MUC13: variants seen among roughly 807,000 people sequenced by gnomAD.
MUC13 encodes mucin-13.
Under a neutral mutation model 48.3 loss-of-function variants are expected in MUC13, and 32 were observed. The observed-to-expected ratio is 0.66, with a 90% CI of 0.50 to 0.89. The LOEUF (loss-of-function observed/expected upper bound fraction) is 0.89, where lower values mean the gene tolerates loss of function less well. Among genes scored for constraint, MUC13 ranks in the 40% least tolerant of loss-of-function variants. The pLI is 0.00. For missense variants in MUC13, 571 were observed against 622.8 expected (o/e 0.92, Z 0.88); for synonymous variants, 199 against 224.9 (o/e 0.88, Z 1.03).
rs557804027 is a variant in MUC13 at position 124,927,734 on chromosome 3, T to C, written c.312A>G (p.Ala104=). 3.7e-6 allele frequency: 6 copies of C among 1,614,238 alleles called. No homozygotes were observed. The African/African-American group carries it at 8.0e-5, about 22-fold the overall frequency. Residue 104 remains alanine, a synonymous_variant, in exon 2 of 12, where the codon GCA becomes GCG. Transcript: ENST00000616727. Reference sequence around the variant, plus strand: ...TTACATTTGTGGTTGACTCACTGTCTGCAGCAGTAGGTATAGGAATTGTGG... The same window carrying C: ...TTACATTTGTGGTTGACTCACTGTCCGCAGCAGTAGGTATAGGAATTGTGG... ...SSSTIPIPTA[A]DSESTTNVNS...
Position 124,922,294 on chromosome 3 carries a change from A to G in MUC13, c.647T>C (p.Phe216Ser), listed in dbSNP as rs1270989471. 6.2e-7 allele frequency: 1 copy of G among 1,613,714 alleles called. No homozygotes were observed. The highest frequency in any genetic ancestry group is 1.3e-5 in the African/African-American group (1 of 75,040). Residue 216 changes from phenylalanine to serine, a missense_variant, in exon 4 of 12, where the codon TTC (phenylalanine) becomes TCC (serine). Phe to Ser is a radical substitution (Grantham distance 155, BLOSUM62 -2). Coordinates refer to ENST00000616727, the MANE Select transcript of MUC13 (RefSeq NM_033049.4). ...NSSTCKKGKV[F>S]PGKISVTVSE... is the part of the protein sequence containing the mutation. ...TACTGTCACTGAAATCTTCCCAGGG[A>G]ATACCTTTCCTGAAAGTTAAGCAGA...
At chr3:124,922,104 G>A (rs949046247) in intron 4 of MUC13, 93 bp downstream of exon 4, 21 of 1,422,864 alleles carry the variant, frequency 1.5e-5, no homozygotes, top group African/African-American at 4.3e-5. Flanking sequence ...ACGATGGTAC[G>A]AGCGTGAACC....
chr3:124,927,521 A>G lies in MUC13; in HGVS notation c.514+11T>C. On this transcript the variant is annotated intron_variant, in intron 2 of 11. Transcript: ENST00000616727. The stretch of plus-strand genomic sequence containing the variant: ...CCATCCTTGGGGAGTCTTTGAGGGA[A>G]TTGTCCTTACCTGTGCTGTTTAGGG... The G allele has an allele frequency of 6.2e-7, 1 of 1,610,904 alleles. No individual in the cohort carries two copies. The highest frequency in any genetic ancestry group is 8.5e-7 in the Non-Finnish European group (1 of 1,177,674).
intron 9 of MUC13, among the ~76,000 whole-genome samples, chr3:124,911,896 T>C (rs1259384317): frequency 1.3e-5 from 2 of 152,154 alleles, no homozygotes; most frequent in Non-Finnish European, 2.9e-5. Flanking sequence ...TGAGTTCTGT[T>C]ATTTTCTATG....
chr3:124,929,740 A>G (rs571355328), intron 1 of MUC13, among the ~76,000 whole-genome samples: 1 of 152,356 alleles, frequency 6.6e-6, no homozygotes, highest in Admixed American at 6.5e-5. Context: ...CACATTTGAC[A>G]GAAGAGCCCA....
chr3:124,925,824 A>G (rs1257248618), intron 2 of MUC13, among the ~76,000 whole-genome samples: 1 of 152,134 alleles, frequency 6.6e-6, no homozygotes, highest in Non-Finnish European at 1.5e-5. Flanking sequence ...CATGTTTCCC[A>G]GGCTGGTCTT....
intron 1 of MUC13, 150 bp downstream of exon 1, chr3:124,934,511 C>G: frequency 1.7e-6 from 1 of 594,322 alleles, no homozygotes; most frequent in South Asian, 2.3e-5. Flanking sequence ...GATAAAATGT[C>G]TGTGTCTTTG....
chr3:124,913,187 T>G lies in MUC13; in HGVS notation c.1138A>C (p.Ile380Leu). 1 of 1,614,152 alleles carries G rather than the reference T, an allele frequency of 6.2e-7. No individual in the cohort carries two copies. The highest frequency in any genetic ancestry group is 1.1e-5 in the South Asian group (1 of 91,066). Reference protein sequence around the residue: ...ACNAQHKQCLIKKSGGAPECA... With the variant: ...ACNAQHKQCLLKKSGGAPECA... ...TCAGGGGCCCCACCACTCTTCTTTATTAAGCATTGCTTGTGCTGTGCGTTG... is the reference window on the plus strand; with the variant it reads ...TCAGGGGCCCCACCACTCTTCTTTAGTAAGCATTGCTTGTGCTGTGCGTTG... Residue 380 changes from isoleucine (I) to leucine (L), a missense_variant, in exon 8 of 12, where the codon ATA becomes CTA. Ile to Leu is a conservative substitution (Grantham distance 5). Coordinates refer to ENST00000616727, the MANE Select transcript of MUC13 (RefSeq NM_033049.4).
chr3:124,914,738 C>A (rs1411469025), intron 6 of MUC13, among the ~76,000 whole-genome samples: 1 of 152,088 alleles, frequency 6.6e-6, no homozygotes, highest in Non-Finnish European at 1.5e-5. Flanking sequence ...ACCAGCCCAG[C>A]CAAAATGGCG....
intron 7 of MUC13, 74 bp downstream of exon 7, chr3:124,913,488 A>G (rs1579363111): frequency 6.2e-7 from 1 of 1,605,320 alleles, no homozygotes; most frequent in Admixed American, 1.7e-5. Flanking sequence ...AAACTAAAGG[A>G]GTGAATTTTT....
chr3:124,910,469 G>T lies in MUC13; in HGVS notation c.1283C>A (p.Thr428Asn). Residue 428 changes from threonine (T) to asparagine (N), a missense_variant, in exon 10 of 12, where the codon ACC becomes AAC. Thr to Asn is a moderately conservative substitution (Grantham distance 65). Transcript: ENST00000616727. ...GCTGAGAATGACAATGCCAGCGATG[G>T]TGCCCACAATAGTGAGGATCAGCTG... ...KFQLILTIVG[T>N]IAGIVILSMI... 2 of 1,614,100 alleles carry T rather than the reference G, an allele frequency of 1.2e-6. No individual in the cohort carries two copies. Among genetic ancestry groups the T allele is most frequent in the Non-Finnish European group, 1.7e-6 (2 of 1,179,978 alleles).
intron 2 of MUC13, among the ~76,000 whole-genome samples, chr3:124,926,742 C>T (rs140215172): frequency 8.0e-4 from 122 of 152,284 alleles, no homozygotes; most frequent in African/African-American, 2.8e-3. Flanking sequence ...CTATGGTTCA[C>T]GAGTCATATC....
chr3:124,906,730 C>T lies in MUC13; in HGVS notation c.*13G>A, dbSNP rs1935326063. ...TGGTTGGGGGCCATGGCGGGTTCCA[C>T]ATTCTTATGATTCTAGACAGAAAGA... On this transcript the variant is annotated 3_prime_UTR_variant, in exon 12 of 12. Coordinates refer to ENST00000616727, the MANE Select transcript of MUC13 (RefSeq NM_033049.4). 1 of 152,178 alleles carries T rather than the reference C, an allele frequency of 6.6e-6. No individual in the cohort carries two copies. The highest frequency in any genetic ancestry group is 2.1e-4 in the South Asian group (1 of 4,814). The allele number at this position is 152,178 out of a possible 1,614,324, so 9.4% of individuals were successfully genotyped here. A position where few individuals can be genotyped will look rare whatever the true frequency, so the allele number is the denominator to read the frequency against.
intron 6 of MUC13, among the ~76,000 whole-genome samples, chr3:124,914,749 A>G (rs1935482194): frequency 6.6e-6 from 1 of 152,100 alleles, no homozygotes; most frequent in Admixed American, 6.5e-5. Flanking sequence ...CAAAATGGCG[A>G]AAACCGTCTC....
At chr3:124,930,609 C>T (rs761184586) in intron 1 of MUC13, among the ~76,000 whole-genome samples, 4 of 152,170 alleles carry the variant, frequency 2.6e-5, no homozygotes, top group Non-Finnish European at 4.4e-5. Flanking sequence ...CTAAATAACA[C>T]AAGGATAGCA....
chr3:124,907,180 T>A (rs1935332748), intron 11 of MUC13, among the ~76,000 whole-genome samples: 1 of 152,242 alleles, frequency 6.6e-6, no homozygotes, highest in Admixed American at 6.5e-5. Flanking sequence ...TTTATTATTA[T>A]TATTTTTTGT....
At chr3:124,909,485 CGTGT>C (rs71148156) in intron 10 of MUC13, among the ~76,000 whole-genome samples, 5,800 of 148,388 alleles carry the variant, frequency 0.039, 322 homozygotes, top group African/African-American at 0.12. Flanking sequence ...TGTGTGCTTG[CGTGT>C]GTGTGTGTGT....
In MUC13 at chr3:124,913,170, C is replaced by T; in HGVS notation, c.1155G>A (p.Gly385=). Residue 385 remains glycine, a synonymous_variant, in exon 8 of 12, where the codon GGG becomes GGA. Coordinates refer to ENST00000616727, the MANE Select transcript of MUC13 (RefSeq NM_033049.4). ...HKQCLIKKSG[G]APECACVPGY... ...CGGGCACGCACGCACACTCAGGGGCCCCACCACTCTTCTTTATTAAGCATT... is the reference window on the plus strand; with the variant it reads ...CGGGCACGCACGCACACTCAGGGGCTCCACCACTCTTCTTTATTAAGCATT... 6.2e-7 allele frequency: 1 copy of T among 1,614,104 alleles called. No homozygotes were observed. The highest frequency in any genetic ancestry group is 1.1e-5 in the South Asian group (1 of 91,074).
At chr3:124,933,540 G>C (rs1935831488) in intron 1 of MUC13, among the ~76,000 whole-genome samples, 2 of 152,192 alleles carry the variant, frequency 1.3e-5, no homozygotes, top group Non-Finnish European at 2.9e-5. Flanking sequence ...ATTCCAAGGA[G>C]AATTATCTAC....
Sources: allele counts gnomAD v4.1 joint callset (sites outside exome capture counted in the v4.1 genomes callset), GRCh38; gene constraint gnomAD v4.1.1; transcripts MANE v1.5; gene names NCBI Gene and HGNC (gene_info 2026-07-23, HGNC 2026-07-21).